TMEM135: variants seen among roughly 807,000 people sequenced by gnomAD.
The protein encoded by TMEM135 is transmembrane protein 135.
Under a neutral mutation model 60.3 loss-of-function variants are expected in TMEM135, and 30 were observed. The ratio of observed to expected loss-of-function variants is 0.50; its 90% CI spans 0.37 to 0.68. TMEM135 has a LOEUF of 0.68. Among genes scored for constraint, TMEM135 ranks in the 30% least tolerant of loss-of-function variants. TMEM135 has a pLI of 0.00. For synonymous variants in TMEM135, 190 were observed against 186.7 expected (o/e 1.02, Z -0.14); for missense variants, 468 against 548.8 (o/e 0.85, Z 1.47).
At chr11:87,313,569 C>G (rs149411531) in intron 11 of TMEM135, 81 bp downstream of exon 11, 48 of 1,174,300 alleles carry the variant, frequency 4.1e-5, no homozygotes, top group Non-Finnish European at 5.6e-5. Context: ...CCAATTCATC[C>G]AATTTCTATG....
chr11:87,224,658 A>G (rs1185211552), intron 5 of TMEM135, among the ~76,000 whole-genome samples: 2 of 152,004 alleles, frequency 1.3e-5, no homozygotes, highest in African/African-American at 2.4e-5. Context: ...TGACCTGTCT[A>G]CTTTGCCCTA....
chr11:87,095,285 A>G (rs1212751317), intron 4 of TMEM135: 1 of 191,664 alleles, frequency 5.2e-6, no homozygotes, highest in African/African-American at 2.3e-5. Flanking sequence ...CCGAAAACAA[A>G]GAAGCAATTA....
At chr11:87,208,830 C>T (rs1219599779) in intron 5 of TMEM135, among the ~76,000 whole-genome samples, 1 of 152,170 alleles carries the variant, frequency 6.6e-6, no homozygotes, top group Non-Finnish European at 1.5e-5. Flanking sequence ...GGGCAGGTCA[C>T]TTACAATGGG....
chr11:87,061,999 T>G (rs1480242414), intron 1 of TMEM135, among the ~76,000 whole-genome samples: 1 of 152,176 alleles, frequency 6.6e-6, no homozygotes, highest in Non-Finnish European at 1.5e-5. Context: ...AACTTATGTT[T>G]GCTTCTGGGT....
At chr11:87,285,777 C>T (rs572392856) in intron 6 of TMEM135, among the ~76,000 whole-genome samples, 30 of 152,312 alleles carry the variant, frequency 2.0e-4, no homozygotes, top group African/African-American at 6.3e-4. Flanking sequence ...GCTTTTTTCC[C>T]CTTATCTGGC....
intron 5 of TMEM135, 167 bp downstream of exon 5, chr11:87,157,573 A>T (rs1938736437): frequency 3.4e-6 from 2 of 582,444 alleles, no homozygotes; most frequent in Non-Finnish European, 6.0e-6. Flanking sequence ...ATTCATAGTC[A>T]TGTTGGAACC....
intron 6 of TMEM135, among the ~76,000 whole-genome samples, chr11:87,267,631 A>G (rs1413201387): frequency 6.6e-6 from 1 of 152,242 alleles, no homozygotes; most frequent in Non-Finnish European, 1.5e-5. Context: ...AAACTTCATG[A>G]AAGTATAGAA....
chr11:87,165,390 C>T (rs2135279254), intron 5 of TMEM135, among the ~76,000 whole-genome samples: 1 of 132,006 alleles, frequency 7.6e-6, no homozygotes, highest in African/African-American at 2.9e-5. Flanking sequence ...GGGATGAAGC[C>T]CACTTGATCA....
intron 4 of TMEM135, among the ~76,000 whole-genome samples, chr11:87,134,088 G>C (rs1432335700): frequency 6.6e-6 from 1 of 151,962 alleles, no homozygotes; most frequent in Non-Finnish European, 1.5e-5. Context: ...AACACAGACT[G>C]TGTGGCTTAA....
chr11:87,167,740 G>A lies in TMEM135; in HGVS notation c.462+10334G>A, dbSNP rs531644306. Among the ~76,000 whole-genome samples the A allele has an allele frequency of 2.0e-4, 31 of 152,274 alleles. 2 individuals are homozygous for A. In the South Asian group the frequency reaches 5.8e-3, roughly 28 times the overall value. On this transcript the variant is annotated intron_variant, in intron 5 of 14. Transcript: ENST00000305494. ...TTTTATTGAGGATTTTCGCATCGAT[G>A]TTCATCAGGGATATTGGCCTGAAAT...
chr11:87,171,884 A>G (rs1046638366), intron 5 of TMEM135, among the ~76,000 whole-genome samples: 6 of 152,086 alleles, frequency 3.9e-5, no homozygotes, highest in African/African-American at 1.2e-4. Context: ...GCAGTTCAAA[A>G]TAGGGTTCAC....
rs146817226 is a variant in TMEM135 at position 87,281,428 on chromosome 11, A to G, written c.510-14354A>G. The stretch of plus-strand genomic sequence containing the variant: ...CACATATAGTGTAAAATACTAATTG[A>G]TGTGTTGTAGACTATCCTATTTCTG... On this transcript the variant is annotated intron_variant, in intron 6 of 14. Transcript: ENST00000305494. Among the ~76,000 whole-genome samples, 347 of 152,354 alleles carry G rather than the reference A, an allele frequency of 2.3e-3. 1 individual carries two copies. The highest frequency in any genetic ancestry group is 4.1e-3 in the Non-Finnish European group (280 of 68,040).
Position 87,037,958 on chromosome 11 carries a change from G to C in TMEM135, c.-88G>C, listed in dbSNP as rs571795030. ...CATTCCGCACCTCCGAGTGCTGGCC[G>C]GGCGAGAGGCTGGCGGCTGGGCTCT... On this transcript the variant is annotated 5_prime_UTR_variant, in exon 1 of 15. Transcript: ENST00000305494. 16 of 1,592,688 alleles carry C rather than the reference G, an allele frequency of 1.0e-5. No individual in the cohort carries two copies. Among genetic ancestry groups the C allele is most frequent in the East Asian group, 2.2e-5 (1 of 44,756 alleles).
At chr11:87,212,776 T>A (rs1190783209) in intron 5 of TMEM135, among the ~76,000 whole-genome samples, 1 of 145,866 alleles carries the variant, frequency 6.9e-6, no homozygotes, top group Non-Finnish European at 1.5e-5. Flanking sequence ...TGAGCTGGGA[T>A]CATACCACTG....
At chr11:87,262,964 A>C (rs938512078) in intron 6 of TMEM135, among the ~76,000 whole-genome samples, 7 of 152,042 alleles carry the variant, frequency 4.6e-5, no homozygotes, top group Admixed American at 2.6e-4. Flanking sequence ...TTTTGTTATA[A>C]GATATTGTCT....
intron 1 of TMEM135, among the ~76,000 whole-genome samples, chr11:87,046,096 A>G (rs1949793223): frequency 6.6e-6 from 1 of 152,232 alleles, no homozygotes; most frequent in East Asian, 1.9e-4. Context: ...AGTAGTATAT[A>G]TAACTATTAG....
intron 6 of TMEM135, among the ~76,000 whole-genome samples, chr11:87,294,341 T>C (rs952819305): frequency 1.3e-5 from 2 of 152,244 alleles, no homozygotes; most frequent in African/African-American, 4.8e-5. Flanking sequence ...TGGCCTTTCC[T>C]ACAGAAGACA....
At chr11:87,102,711 T>TGTATATATATAC (rs202022015) in intron 4 of TMEM135, among the ~76,000 whole-genome samples, 2 of 64,806 alleles carry the variant, frequency 3.1e-5, no homozygotes, top group Admixed American at 3.0e-4. Context: ...TATGTATATA[T>TGTATATATATAC]ATGTATATAT....
At chr11:87,124,838 GTTC>G (rs1277878156) in intron 4 of TMEM135, among the ~76,000 whole-genome samples, 6 of 151,034 alleles carry the variant, frequency 4.0e-5, no homozygotes, top group African/African-American at 2.4e-5. Flanking sequence ...TCTTACTTCT[GTTC>G]TTCTCTCATT....
Sources: gnomAD v4.1 joint callset for allele counts (sites outside exome capture counted in the v4.1 genomes callset) on GRCh38, gnomAD v4.1.1 for gene constraint, MANE v1.5 for transcripts, NCBI Gene and HGNC (gene_info 2026-07-23, HGNC 2026-07-21) for gene names.